NRXN3: variants seen among roughly 807,000 people sequenced by gnomAD.
NRXN3 encodes the protein neurexin 3, also known as neurexin III.
A neutral mutation model predicts 137.6 loss-of-function variants in NRXN3; 32 were observed. That is an observed-to-expected ratio of 0.23 (90% CI 0.18 to 0.31). NRXN3 has a LOEUF of 0.31. NRXN3 is among the 10% of genes least tolerant of loss of function. The probability of loss-of-function intolerance (pLI) is 1.00; values close to 1 mark genes in which losing one functional copy is unlikely to be tolerated. For missense variants in NRXN3, 1,574 were observed against 2,062.5 expected, an observed-to-expected ratio of 0.76 and a Z score of 4.59; for synonymous variants, 798 against 784.5, an observed-to-expected ratio of 1.02 and a Z score of -0.29.
intron 16 of NRXN3, among the ~76,000 whole-genome samples, chr14:79,543,100 T>C (rs189649627): frequency 1.3e-5 from 2 of 152,258 alleles, no homozygotes; most frequent in African/African-American, 4.8e-5. Context: ...GGCAAATTGC[T>C]CAGGACAGTG....
intron 16 of NRXN3, among the ~76,000 whole-genome samples, chr14:79,622,407 C>T (rs914393727): frequency 2.2e-4 from 33 of 152,070 alleles, no homozygotes; most frequent in Middle Eastern, 3.2e-3. Flanking sequence ...GCATGGCTTT[C>T]GGCATTTCTT....
intron 6 of NRXN3, among the ~76,000 whole-genome samples, chr14:78,682,880 C>G (rs17108049): frequency 0.3 from 45,087 of 152,072 alleles, 7,720 homozygotes; most frequent in African/African-American, 0.48. Context: ...CTCACTAGCT[C>G]TTCATCAAGT....
At chr14:78,938,842 A>ATTTTTCTTTTTTTTTTTTTTTCT (rs1555602885) in intron 10 of NRXN3, among the ~76,000 whole-genome samples, 2,715 of 134,122 alleles carry the variant, frequency 0.02, 140 homozygotes, top group African/African-American at 0.077. Flanking sequence ...GTCCAGAGTG[A>ATTTTTCTTTTTTTTTTTTTTTCT]TTTTTCTTTT....
At chr14:78,629,222 T>C (rs916686485) in intron 4 of NRXN3, among the ~76,000 whole-genome samples, 1 of 152,204 alleles carries the variant, frequency 6.6e-6, no homozygotes, top group Non-Finnish European at 1.5e-5. Context: ...GGAGACTATT[T>C]GTAAAGGGCC....
chr14:79,411,916 A>C (rs2095422566), intron 15 of NRXN3, among the ~76,000 whole-genome samples: 1 of 152,178 alleles, frequency 6.6e-6, no homozygotes, highest in South Asian at 2.1e-4. Context: ...TGTGATGTGA[A>C]CTGAGAAATA....
chr14:78,709,892 C>T (rs1159522463), intron 7 of NRXN3: 18 of 511,708 alleles, frequency 3.5e-5, no homozygotes, highest in South Asian at 9.2e-5. Flanking sequence ...GATAGCTCTA[C>T]GATCCTGGAG....
At chr14:79,261,298 A>G (rs2077539334) in intron 15 of NRXN3, among the ~76,000 whole-genome samples, 1 of 152,156 alleles carries the variant, frequency 6.6e-6, no homozygotes, top group Admixed American at 6.5e-5. Flanking sequence ...GTGCCAGAAA[A>G]GTGAGCAAAG....
At chr14:79,261,174 C>T (rs1427569253) in intron 15 of NRXN3, among the ~76,000 whole-genome samples, 3 of 152,032 alleles carry the variant, frequency 2.0e-5, no homozygotes, top group Non-Finnish European at 2.9e-5. Context: ...AATTGGGAGA[C>T]ACAGGGAGAA....
intron 4 of NRXN3, among the ~76,000 whole-genome samples, chr14:78,410,111 A>G (rs796665017): frequency 1.3e-5 from 2 of 152,182 alleles, no homozygotes; most frequent in African/African-American, 4.8e-5. Context: ...GGGCTTTTCT[A>G]TCGTTGGCCC....
chr14:78,648,540 T>C (rs578107253), intron 5 of NRXN3, among the ~76,000 whole-genome samples: 3 of 152,194 alleles, frequency 2.0e-5, no homozygotes, highest in Non-Finnish European at 4.4e-5. Flanking sequence ...TTTTGATACA[T>C]TCTATTAATT....
intron 15 of NRXN3, among the ~76,000 whole-genome samples, chr14:79,423,947 G>A (rs1006289854): frequency 1.3e-5 from 2 of 152,234 alleles, no homozygotes; most frequent in East Asian, 3.9e-4. Context: ...GCTTCTGATG[G>A]GAATGCTGTA....
At chr14:78,187,145 T>G (rs1011143108) in intron 1 of NRXN3, among the ~76,000 whole-genome samples, 3 of 152,194 alleles carry the variant, frequency 2.0e-5, no homozygotes, top group Non-Finnish European at 4.4e-5. Flanking sequence ...AGGCAGGTAT[T>G]AGTGTCTTCA....
At chr14:78,424,986 C>A (rs986922346) in intron 4 of NRXN3, among the ~76,000 whole-genome samples, 1 of 152,200 alleles carries the variant, frequency 6.6e-6, no homozygotes, top group South Asian at 2.1e-4. Flanking sequence ...TGTTCAGTGT[C>A]TGAGGACAGT....
chr14:79,663,964 C>T lies in NRXN3; in HGVS notation c.3616+15C>T. On this transcript the variant is annotated intron_variant, in intron 17 of 20. Transcript: ENST00000335750. ...TTATCCTACAGGTACATGTTGTTCGCTCAATGGTCCTACTCTTTTTGACTC... is the reference window on the plus strand; with the variant it reads ...TTATCCTACAGGTACATGTTGTTCGTTCAATGGTCCTACTCTTTTTGACTC... The T allele has an allele frequency of 6.2e-7, 1 of 1,612,440 alleles. No homozygotes were observed. Among genetic ancestry groups the T allele is most frequent in the Non-Finnish European group, 8.5e-7 (1 of 1,178,906 alleles).
rs572219347 is a variant in NRXN3, at chr14:79,303,722, A to G, written c.3263-163499A>G. Among the ~76,000 whole-genome samples, 14 of 152,172 alleles carry G rather than the reference A, an allele frequency of 9.2e-5. No homozygotes were observed. The East Asian group carries it at 2.3e-3, about 25-fold the overall frequency. ...ATTGCCACTAGTCAATTCTGCATTT[A>G]TAACTGAGAAGCAACCACAGACAAT... On this transcript the variant is annotated intron_variant, in intron 15 of 20. Transcript: ENST00000335750.
intron 19 of NRXN3, among the ~76,000 whole-genome samples, chr14:79,804,630 A>G (rs2099196307): frequency 6.6e-6 from 1 of 152,220 alleles, no homozygotes; most frequent in Non-Finnish European, 1.5e-5. Flanking sequence ...CACAGCATTC[A>G]TTAATTATGC....
chr14:78,994,082 C>T lies in NRXN3; in HGVS notation c.3262+5941C>T, dbSNP rs987644756. Among the ~76,000 whole-genome samples the T allele has an allele frequency of 2.6e-5, 4 of 151,814 alleles. No homozygotes were observed. In the East Asian group the frequency reaches 7.8e-4, roughly 29 times the overall value. On this transcript the variant is annotated intron_variant, in intron 15 of 20. Coordinates refer to ENST00000335750, the MANE Select transcript of NRXN3 (RefSeq NM_001330195.2). ...TGTTGGCCAGGCTGGTCTCGAATTC[C>T]TGACCTTGTGATCCGCCTGCCTCGG... is the stretch of plus-strand genomic sequence containing the variant.
In NRXN3 at chr14:78,709,389, C is replaced by T; in HGVS notation, c.1394C>T (p.Thr465Ile). The change falls in exon 7 of 21, where the codon ACT becomes ATT. Residue 465 changes from threonine (T) to isoleucine (I), a missense_variant. Physicochemically the swap from Thr to Ile is moderately conservative, Grantham distance 89. Transcript: ENST00000335750. Reference protein sequence around the residue: ...EAYISLPKWNTKRMGSISFDF... With the variant: ...EAYISLPKWNIKRMGSISFDF... ...TACATCAGCTTGCCCAAGTGGAACA[C>T]TAAACGTATGGGCTCCATCTCCTTT... is the stretch of plus-strand genomic sequence containing the variant. The T allele has an allele frequency of 1.2e-6, 2 of 1,614,166 alleles. No individual in the cohort carries two copies. Among genetic ancestry groups the T allele is most frequent in the Non-Finnish European group, 1.7e-6 (2 of 1,180,014 alleles).
chr14:78,274,978 A>T (rs1567143271), intron 2 of NRXN3, among the ~76,000 whole-genome samples: 1 of 152,144 alleles, frequency 6.6e-6, no homozygotes, highest in Non-Finnish European at 1.5e-5. Context: ...CAGTTTTTCT[A>T]TCATAACTTA....
Sources: allele counts gnomAD v4.1 joint callset (sites outside exome capture counted in the v4.1 genomes callset), GRCh38; gene constraint gnomAD v4.1.1; transcripts MANE v1.5; gene names NCBI Gene and HGNC (gene_info 2026-07-23, HGNC 2026-07-21).